Variants in TAF3 observed in about 807,000 individuals in gnomAD.
The protein encoded by TAF3 is transcription initiation factor TFIID subunit 3.
Under a neutral mutation model 80.6 loss-of-function variants are expected in TAF3, and 7 were observed. That is an observed-to-expected ratio of 0.09 (90% confidence interval 0.05 to 0.16). The LOEUF (loss-of-function observed/expected upper bound fraction) is 0.16, where lower values mean the gene tolerates loss of function less well. Among genes scored for constraint, TAF3 ranks in the 10% least tolerant of loss-of-function variants. TAF3 has a pLI of 1.00. For synonymous variants in TAF3, 444 were observed against 446.1 expected, an observed-to-expected ratio of 1.00 and a Z score of 0.06; for missense variants, 921 against 1,140.2, an observed-to-expected ratio of 0.81 and a Z score of 2.77.
At chr10:7,825,448 C>A (rs533268365) in intron 2 of TAF3, among the ~76,000 whole-genome samples, 1 of 152,166 alleles carries the variant, frequency 6.6e-6, no homozygotes, top group Non-Finnish European at 1.5e-5. Context: ...AACTTTTGTT[C>A]CCTCCCAAAT....
chr10:7,928,150 C>A (rs1176041556), intron 2 of TAF3, among the ~76,000 whole-genome samples: 1 of 152,130 alleles, frequency 6.6e-6, no homozygotes, highest in Non-Finnish European at 1.5e-5. Context: ...GATTTAGAGA[C>A]CTTTGACCTT....
chr10:7,847,264 A>T (rs1485115810), intron 2 of TAF3, among the ~76,000 whole-genome samples: 2 of 152,236 alleles, frequency 1.3e-5, no homozygotes, highest in African/African-American at 4.8e-5. Flanking sequence ...ATGAATTGAC[A>T]TATGTCTAAG....
At position 8,015,316 on chromosome 10, in the gene TAF3, T is replaced by C. The variant is rs1009512495; in HGVS notation, c.*565T>C. 1 of 152,258 alleles carries C rather than the reference T, an allele frequency of 6.6e-6. No homozygotes were observed. The highest frequency in any genetic ancestry group is 2.1e-4 in the South Asian group (1 of 4,834). 9.4% of individuals were successfully genotyped at this position (152,258 alleles called of 1,614,324 possible). On this transcript the variant is annotated 3_prime_UTR_variant, in exon 7 of 7. Coordinates refer to ENST00000344293, the MANE Select transcript of TAF3 (RefSeq NM_031923.4). ...ACTAACATGTAAAATGTTCAGGCTT[T>C]TGTGAAATACCTTATATTTTTTAAG... is the stretch of plus-strand genomic sequence containing the variant.
intron 2 of TAF3, among the ~76,000 whole-genome samples, chr10:7,850,979 A>T (rs1327372419): frequency 6.6e-6 from 1 of 152,160 alleles, no homozygotes; most frequent in Non-Finnish European, 1.5e-5. Context: ...AACACAGAAA[A>T]TATGTAAGTG....
At chr10:7,920,559 C>T (rs1397743469) in intron 2 of TAF3, among the ~76,000 whole-genome samples, 1 of 152,070 alleles carries the variant, frequency 6.6e-6, no homozygotes, top group African/African-American at 2.4e-5. Context: ...AAATAATCTT[C>T]TGGTATCTAT....
chr10:7,986,622 A>G (rs1244173528), intron 4 of TAF3, among the ~76,000 whole-genome samples: 2 of 152,208 alleles, frequency 1.3e-5, no homozygotes, highest in African/African-American at 4.8e-5. Flanking sequence ...CTCCTTTGAT[A>G]TTCACTTGGA....
At chr10:7,936,857 G>T (rs774949276) in intron 2 of TAF3, among the ~76,000 whole-genome samples, 2 of 151,604 alleles carry the variant, frequency 1.3e-5, no homozygotes, top group Non-Finnish European at 2.9e-5. Flanking sequence ...CCCTGTACCC[G>T]CTGGCATCCA....
chr10:7,878,584 G>C (rs1241916525), intron 2 of TAF3, among the ~76,000 whole-genome samples: 10 of 152,040 alleles, frequency 6.6e-5, no homozygotes, highest in Non-Finnish European at 1.2e-4. Flanking sequence ...CTTTAACAAG[G>C]GTATTTAAAT....
chr10:7,835,746 C>A lies in TAF3; in HGVS notation c.409+11186C>A, dbSNP rs920626309. ...GGCCTGGTGGCCCTTTTGGGGTTTT[C>A]CTGTTTCAGGTCAGTCTTCCCGTTG... On this transcript the variant is annotated intron_variant, in intron 2 of 6. Transcript: ENST00000344293. Among the ~76,000 whole-genome samples the A allele has an allele frequency of 2.0e-5, 3 of 152,176 alleles. No individual in the cohort carries two copies. The East Asian group carries it at 5.8e-4, about 29-fold the overall frequency.
chr10:7,997,919 G>C (rs978977715), intron 4 of TAF3, among the ~76,000 whole-genome samples: 1 of 152,142 alleles, frequency 6.6e-6, no homozygotes, highest in Non-Finnish European at 1.5e-5. Context: ...TAGATTAAGT[G>C]ATGATAGTTT....
chr10:7,915,019 C>T (rs1837696147), intron 2 of TAF3, among the ~76,000 whole-genome samples: 1 of 142,780 alleles, frequency 7.0e-6, no homozygotes, highest in African/African-American at 2.7e-5. Context: ...TGGCTTACTG[C>T]AAGCTCCGCC....
At chr10:8,005,571 C>CT (rs1413480878) in intron 4 of TAF3, among the ~76,000 whole-genome samples, 2 of 152,200 alleles carry the variant, frequency 1.3e-5, no homozygotes, top group Non-Finnish European at 2.9e-5. Context: ...CATTCGTCCT[C>CT]TTCATCATAA....
rs1160373679 is a variant in TAF3 at position 8,015,291 on chromosome 10, A to G, written c.*540A>G. 2.0e-5 allele frequency: 3 copies of G among 152,266 alleles called. No homozygotes were observed. The highest frequency in any genetic ancestry group is 4.8e-5 in the African/African-American group (2 of 41,446). 9.4% of individuals were successfully genotyped at this position (152,266 alleles called of 1,614,324 possible). A position where few individuals can be genotyped will look rare whatever the true frequency, so the allele number is the denominator to read the frequency against. ...CTTCCCTCCTTCCCCCGTTTTTAGTACTAACATGTAAAATGTTCAGGCTTT... is the reference window on the plus strand; with the variant it reads ...CTTCCCTCCTTCCCCCGTTTTTAGTGCTAACATGTAAAATGTTCAGGCTTT... On this transcript the variant is annotated 3_prime_UTR_variant, in exon 7 of 7. Transcript: ENST00000344293.
rs776763633 is a variant in TAF3, at chr10:7,964,601, C to T, written c.1091C>T (p.Thr364Ile). 6.2e-7 allele frequency: 1 copy of T among 1,614,104 alleles called. No individual in the cohort carries two copies. The part of the protein sequence containing the change: ...KETIQVKQIQ[T>I]PPDAGKLNSE... ...ACTATCCAGGTAAAACAAATACAGA[C>T]ACCCCCTGATGCTGGGAAACTGAAC... The change falls in exon 3 of 7, where the codon ACA (threonine) becomes ATA (isoleucine). Residue 364 changes from threonine to isoleucine, a missense_variant. Thr to Ile is a moderately conservative substitution (Grantham distance 89). Coordinates refer to ENST00000344293, the MANE Select transcript of TAF3 (RefSeq NM_031923.4). This position sits in a 1 kb window ranked among gnomAD's most constrained non-coding sequence, Gnocchi z 4.1.
intron 2 of TAF3, among the ~76,000 whole-genome samples, chr10:7,942,292 G>A (rs969914973): frequency 5.3e-5 from 8 of 152,122 alleles, no homozygotes; most frequent in Non-Finnish European, 8.8e-5. Context: ...TATCTGAAAA[G>A]ATACTTAGGG....
In TAF3 at chr10:8,010,832, C is replaced by T. The variant is rs563192214; in HGVS notation, c.2568+1502C>T. On this transcript the variant is annotated intron_variant, in intron 5 of 6. Coordinates refer to ENST00000344293, the MANE Select transcript of TAF3 (RefSeq NM_031923.4). ...GGCTCAGGCACAAGAATTGCTTGAA[C>T]GGGAGGCAGAGCTTGCAGTGAGCCA... is the stretch of plus-strand genomic sequence containing the variant. Among the ~76,000 whole-genome samples the T allele has an allele frequency of 1.4e-3, 209 of 152,236 alleles. 1 individual carries two copies. Among genetic ancestry groups the T allele is most frequent in the Non-Finnish European group, 2.5e-3 (167 of 68,026 alleles).
chr10:7,855,257 A>G (rs1837066976), intron 2 of TAF3, among the ~76,000 whole-genome samples: 1 of 152,192 alleles, frequency 6.6e-6, no homozygotes, highest in Non-Finnish European at 1.5e-5. Context: ...TTAAGAAGCA[A>G]ATGGATACAT....
At chr10:7,846,562 G>C (rs188477053) in intron 2 of TAF3, among the ~76,000 whole-genome samples, 10 of 152,030 alleles carry the variant, frequency 6.6e-5, no homozygotes, top group African/African-American at 2.4e-4. Context: ...GAGTGGTTTT[G>C]ACTAGTTGAA....
intron 2 of TAF3, among the ~76,000 whole-genome samples, chr10:7,898,196 G>A (rs1313782254): frequency 6.6e-6 from 1 of 152,044 alleles, no homozygotes; most frequent in Non-Finnish European, 1.5e-5. Context: ...AACGTAAATA[G>A]GACTGAGGAA....
Sources: allele counts gnomAD v4.1 joint callset (sites outside exome capture counted in the v4.1 genomes callset), GRCh38; gene constraint gnomAD v4.1.1; non-coding constraint Gnocchi (gnomAD v3.1); transcripts MANE v1.5; gene names NCBI Gene and HGNC (gene_info 2026-07-23, HGNC 2026-07-21).